The following PDE4D variants were observed in gnomAD, a reference collection of about 807,000 sequenced individuals.
The protein encoded by PDE4D is phosphodiesterase 4D.
In PDE4D, 24 loss-of-function variants were observed where a neutral mutation model predicts 87.4. That is an observed-to-expected ratio of 0.27 (90% CI 0.20 to 0.39). The LOEUF (loss-of-function observed/expected upper bound fraction) is 0.39. Among genes scored for constraint, PDE4D ranks in the 10% least tolerant of loss-of-function variants. PDE4D has a pLI of 1.00. For missense variants in PDE4D, 714 were observed against 1,041.0 expected (o/e 0.69, Z 4.32); for synonymous variants, 384 against 383.2 (o/e 1.00, Z -0.02).
chr5:59,865,768 G>T (rs1035253979), intron 1 of PDE4D, among the ~76,000 whole-genome samples: 1 of 152,102 alleles, frequency 6.6e-6, no homozygotes, highest in Non-Finnish European at 1.5e-5. Context: ...TTATATATTT[G>T]ATTTCATGTA....
chr5:59,934,969 C>T (rs1376816405), intron 3 of PDE4D, among the ~76,000 whole-genome samples: 4 of 152,000 alleles, frequency 2.6e-5, no homozygotes, highest in Non-Finnish European at 5.9e-5. Flanking sequence ...AAATTTATTC[C>T]ACCGTAAATA....
chr5:59,468,660 T>C (rs1468567343), intron 1 of PDE4D, among the ~76,000 whole-genome samples: 1 of 152,196 alleles, frequency 6.6e-6, no homozygotes, highest in Non-Finnish European at 1.5e-5. Flanking sequence ...AATGAATAGG[T>C]AAAGCAAAGT....
chr5:59,063,649 A>C (rs1763471223), intron 5 of PDE4D: 1 of 152,192 alleles, frequency 6.6e-6, no homozygotes, highest in African/African-American at 2.4e-5. Flanking sequence ...GGCAGGTTTA[A>C]AAATGGATAT....
At chr5:58,999,575 A>G (rs755967755) in intron 6 of PDE4D, 62 of 1,160,550 alleles carry the variant, frequency 5.3e-5, no homozygotes, top group Admixed American at 3.4e-4. Context: ...ATATGTATAT[A>G]TATAGTAAGC....
At chr5:59,264,552 C>T (rs927133220) in intron 1 of PDE4D, among the ~76,000 whole-genome samples, 7 of 151,936 alleles carry the variant, frequency 4.6e-5, no homozygotes, top group African/African-American at 1.7e-4. Context: ...TACTAGTAGA[C>T]TCTTAACGAA....
chr5:59,640,865 T>G (rs1466661973), intron 1 of PDE4D, among the ~76,000 whole-genome samples: 1 of 152,224 alleles, frequency 6.6e-6, no homozygotes, highest in African/African-American at 2.4e-5. Flanking sequence ...CTCTAAAAAT[T>G]TATCATAATG....
intron 5 of PDE4D, among the ~76,000 whole-genome samples, chr5:59,089,662 G>T (rs919792918): frequency 6.6e-6 from 1 of 152,092 alleles, no homozygotes; most frequent in Non-Finnish European, 1.5e-5. Context: ...ACTGTATTAT[G>T]CTGCCTATAA....
At chr5:59,627,936 G>A (rs1831088998) in intron 1 of PDE4D, among the ~76,000 whole-genome samples, 1 of 152,132 alleles carries the variant, frequency 6.6e-6, no homozygotes, top group Non-Finnish European at 1.5e-5. Flanking sequence ...TCAAGTAAGG[G>A]ATATCTCAGT....
intron 1 of PDE4D, among the ~76,000 whole-genome samples, chr5:59,349,930 T>C (rs1487344096): frequency 6.6e-6 from 1 of 152,156 alleles, no homozygotes; most frequent in Non-Finnish European, 1.5e-5. Context: ...ACACTCAAAC[T>C]GTATCTCCCC....
chr5:59,043,113 C>T (rs1054178661), intron 5 of PDE4D, among the ~76,000 whole-genome samples: 6 of 152,060 alleles, frequency 3.9e-5, no homozygotes, highest in African/African-American at 9.7e-5. Flanking sequence ...AGGACTGTAT[C>T]GGCTTGTCAT....
intron 5 of PDE4D, among the ~76,000 whole-genome samples, chr5:59,175,328 T>G (rs1485444468): frequency 6.6e-6 from 1 of 152,158 alleles, no homozygotes; most frequent in East Asian, 1.9e-4. Flanking sequence ...GAAGCTGACA[T>G]ACCAATATTC....
intron 2 of PDE4D, among the ~76,000 whole-genome samples, chr5:60,169,105 T>C (rs1345101594): frequency 6.6e-6 from 1 of 152,160 alleles, no homozygotes; most frequent in Non-Finnish European, 1.5e-5. Context: ...CAGCTTGCCA[T>C]GGAGAATTAT....
intron 1 of PDE4D, among the ~76,000 whole-genome samples, chr5:59,783,301 G>GT (rs944415226): frequency 4.6e-5 from 7 of 152,166 alleles, no homozygotes; most frequent in Non-Finnish European, 7.3e-5. Context: ...CCAGGCATCA[G>GT]TTTTTTTGTA....
chr5:60,342,754 TAA>T (rs1293766193), intron 1 of PDE4D, among the ~76,000 whole-genome samples: 1 of 152,076 alleles, frequency 6.6e-6, no homozygotes, highest in African/African-American at 2.4e-5. Flanking sequence ...TTCATACTGG[TAA>T]AAGTCTCTCA....
intron 1 of PDE4D, among the ~76,000 whole-genome samples, chr5:59,249,899 C>T (rs1311110153): frequency 6.6e-6 from 1 of 151,890 alleles, no homozygotes; most frequent in Non-Finnish European, 1.5e-5. Flanking sequence ...TTCCATCACC[C>T]AGGGTGGAGT....
intron 6 of PDE4D, among the ~76,000 whole-genome samples, chr5:58,996,730 T>C (rs958126612): frequency 3.9e-5 from 6 of 152,192 alleles, no homozygotes; most frequent in Admixed American, 6.5e-5. Context: ...ATGCTACATA[T>C]ATTATTGGAT....
intron 1 of PDE4D, among the ~76,000 whole-genome samples, chr5:59,606,107 T>C (rs182633753): frequency 5.7e-4 from 86 of 151,838 alleles, no homozygotes; most frequent in African/African-American, 2.0e-3. Flanking sequence ...GAAGTAAGAG[T>C]GTTACAGTAT....
chr5:59,373,358 AT>A (rs1314616947), intron 1 of PDE4D, among the ~76,000 whole-genome samples: 2 of 152,248 alleles, frequency 1.3e-5, no homozygotes, highest in African/African-American at 4.8e-5. Context: ...AACTGAAAAC[AT>A]TATTAGAATT....
chr5:60,402,151 T>C (rs1741149174), intron 1 of PDE4D, among the ~76,000 whole-genome samples: 1 of 152,186 alleles, frequency 6.6e-6, no homozygotes, highest in South Asian at 2.1e-4. Context: ...CAGCAATGCC[T>C]GAAATAGCAA....
Sources: allele counts gnomAD v4.1 joint callset (sites outside exome capture counted in the v4.1 genomes callset), GRCh38; gene constraint gnomAD v4.1.1; transcripts MANE v1.5; gene names NCBI Gene and HGNC (gene_info 2026-07-23, HGNC 2026-07-21).